The following LRRC4C variants were observed in gnomAD, a reference collection of about 807,000 sequenced individuals.
LRRC4C encodes leucine-rich repeat-containing protein 4C.
In LRRC4C, 5 loss-of-function variants were observed where a neutral mutation model predicts 33.6. The ratio of observed to expected loss-of-function variants is 0.15; its 90% CI spans 0.08 to 0.31. The LOEUF is 0.31. Among genes scored for constraint, LRRC4C ranks in the 10% least tolerant of loss-of-function variants. The pLI is 1.00. For synonymous variants in LRRC4C, 329 were observed against 302.0 expected, an observed-to-expected ratio of 1.09 and a Z score of -0.93; for missense variants, 560 against 796.7, an observed-to-expected ratio of 0.70 and a Z score of 3.58.
intron 4 of LRRC4C, among the ~76,000 whole-genome samples, chr11:40,261,268 G>T (rs1590849494): frequency 6.6e-6 from 1 of 152,108 alleles, no homozygotes; most frequent in East Asian, 1.9e-4. Context: ...TCGTTGATTT[G>T]AAAAAGAAAG....
chr11:40,359,362 C>A (rs1947842501), intron 3 of LRRC4C, among the ~76,000 whole-genome samples: 1 of 152,166 alleles, frequency 6.6e-6, no homozygotes. Context: ...AATAAACTGT[C>A]ATATTATTTG....
At chr11:40,635,628 A>ATTTTTTTTTTTTTT (rs71060975) in intron 3 of LRRC4C, among the ~76,000 whole-genome samples, 2 of 92,198 alleles carry the variant, frequency 2.2e-5, no homozygotes, top group African/African-American at 8.1e-5. Flanking sequence ...AAAGAACCAA[A>ATTTTTTTTTTTTTT]TTTTTTTTTT....
At chr11:40,239,602 A>C (rs1483899508) in intron 5 of LRRC4C, among the ~76,000 whole-genome samples, 1 of 152,202 alleles carries the variant, frequency 6.6e-6, no homozygotes, top group Non-Finnish European at 1.5e-5. Flanking sequence ...GTAAAGAGAC[A>C]AAAACCAACT....
At chr11:40,904,766 G>C (rs573726166) in intron 2 of LRRC4C, among the ~76,000 whole-genome samples, 2 of 152,210 alleles carry the variant, frequency 1.3e-5, no homozygotes, top group African/African-American at 2.4e-5. Flanking sequence ...TCTCGGTCTA[G>C]ATCCTTCCCA....
At chr11:41,306,661 A>C (rs192177128) in intron 1 of LRRC4C, among the ~76,000 whole-genome samples, 1 of 152,222 alleles carries the variant, frequency 6.6e-6, no homozygotes, top group Non-Finnish European at 1.5e-5. Context: ...GTGATGAGTA[A>C]TATGAAAGAA....
chr11:40,224,460 A>T (rs2135952355), intron 5 of LRRC4C, among the ~76,000 whole-genome samples: 1 of 152,370 alleles, frequency 6.6e-6, no homozygotes, highest in East Asian at 1.9e-4. Flanking sequence ...ACAATAAATA[A>T]AATATGACAA....
intron 2 of LRRC4C, among the ~76,000 whole-genome samples, chr11:40,781,055 T>C (rs965208815): frequency 6.6e-6 from 1 of 152,140 alleles, no homozygotes; most frequent in African/African-American, 2.4e-5. Context: ...CATATCTAGA[T>C]AATGTAGCCT....
At chr11:41,399,388 G>A (rs947722703) in intron 1 of LRRC4C, among the ~76,000 whole-genome samples, 3 of 151,882 alleles carry the variant, frequency 2.0e-5, no homozygotes, top group South Asian at 2.1e-4. Context: ...GCCAAGTGTC[G>A]GGAGAACAAC....
intron 4 of LRRC4C, among the ~76,000 whole-genome samples, chr11:40,248,033 G>A (rs897293725): frequency 6.6e-6 from 1 of 152,060 alleles, no homozygotes; most frequent in African/African-American, 2.4e-5. Context: ...CGTGAATCGA[G>A]GTATACCACT....
intron 2 of LRRC4C, among the ~76,000 whole-genome samples, chr11:40,784,534 C>A (rs1185702683): frequency 1.3e-5 from 2 of 152,176 alleles, no homozygotes; most frequent in Admixed American, 6.5e-5. Context: ...CATTTTTGAA[C>A]ACAACTTAAA....
At chr11:40,277,036 A>G (rs546669192) in intron 4 of LRRC4C, among the ~76,000 whole-genome samples, 1 of 152,182 alleles carries the variant, frequency 6.6e-6, no homozygotes, top group South Asian at 2.1e-4. Flanking sequence ...GTTAAGAGTT[A>G]TGGGGGAAAA....
At chr11:41,144,813 T>C (rs777045750) in intron 1 of LRRC4C, among the ~76,000 whole-genome samples, 48 of 152,194 alleles carry the variant, frequency 3.2e-4, no homozygotes, top group Non-Finnish European at 6.0e-4. Flanking sequence ...ACTTGTCTTA[T>C]TTTCTCTGGA....
intron 5 of LRRC4C, among the ~76,000 whole-genome samples, chr11:40,196,573 C>CAT (rs1862278668): frequency 6.6e-6 from 1 of 152,178 alleles, no homozygotes; most frequent in Non-Finnish European, 1.5e-5. Flanking sequence ...CACACACATT[C>CAT]ATATATACAC....
chr11:40,229,200 A>T (rs1865022008), intron 5 of LRRC4C, among the ~76,000 whole-genome samples: 1 of 152,130 alleles, frequency 6.6e-6, no homozygotes, highest in African/African-American at 2.4e-5. Flanking sequence ...TTCCTCTGTA[A>T]CTATTGCAAT....
rs188228631 is a variant in LRRC4C, at chr11:41,332,036, T to C, written c.-496+127395A>G. 2.1e-3 allele frequency among the ~76,000 whole-genome samples: 327 copies of C among 152,326 alleles called. 1 individual carries two copies. Among genetic ancestry groups the C allele is most frequent in the African/African-American group, 7.1e-3 (294 of 41,574 alleles). On this transcript the variant is annotated intron_variant, in intron 1 of 6. Transcript: ENST00000528697. ...ATATGTATTTGTTTGTTGTTTACTA[T>C]GTAAAATGTAAAATCCATTCAATGA...
At chr11:41,290,883 A>G (rs775785778) in intron 1 of LRRC4C, among the ~76,000 whole-genome samples, 5 of 152,136 alleles carry the variant, frequency 3.3e-5, no homozygotes, top group Non-Finnish European at 5.9e-5. Flanking sequence ...AGACCCTGAC[A>G]CTGAAGTTCC....
chr11:41,081,163 G>C (rs1029366784), intron 1 of LRRC4C, among the ~76,000 whole-genome samples: 5 of 152,136 alleles, frequency 3.3e-5, no homozygotes, highest in African/African-American at 1.2e-4. Context: ...GTTGTAATTT[G>C]ACATCAAATG....
At chr11:40,155,031 G>A (rs149508232) in intron 5 of LRRC4C, among the ~76,000 whole-genome samples, 295 of 151,994 alleles carry the variant, frequency 1.9e-3, no homozygotes, top group African/African-American at 6.5e-3. Context: ...GAATAAAACT[G>A]GAAATCAACT....
chr11:40,285,911 T>C (rs566660064), intron 4 of LRRC4C, among the ~76,000 whole-genome samples: 1 of 152,270 alleles, frequency 6.6e-6, no homozygotes, highest in South Asian at 2.1e-4. Flanking sequence ...TTAGTTGCTA[T>C]ACAACCTTAG....
Sources: allele counts gnomAD v4.1 joint callset (sites outside exome capture counted in the v4.1 genomes callset), GRCh38; gene constraint gnomAD v4.1.1; transcripts MANE v1.5; gene names NCBI Gene and HGNC (gene_info 2026-07-23, HGNC 2026-07-21).